YEATS4: variants seen among roughly 807,000 people sequenced by gnomAD.
YEATS4 encodes the protein YEATS domain-containing protein 4.
Under a neutral mutation model 30.1 loss-of-function variants are expected in YEATS4, and 17 were observed. The observed-to-expected ratio is 0.56, with a 90% CI of 0.39 to 0.85. YEATS4 has a LOEUF of 0.85. YEATS4 is among the 40% of genes least tolerant of loss of function. YEATS4 has a pLI of 0.00. For missense variants in YEATS4, 142 were observed against 268.3 expected (o/e 0.53, Z 3.29); for synonymous variants, 85 against 87.5 (o/e 0.97, Z 0.16).
chr12:69,385,285 C>G (rs1876229058), intron 6 of YEATS4, among the ~76,000 whole-genome samples: 1 of 115,758 alleles, frequency 8.6e-6, no homozygotes, highest in African/African-American at 3.1e-5. Flanking sequence ...AATAGTTGTA[C>G]CGATTAAGAG....
chr12:69,419,243 C>T, the YEATS4 span, among the ~76,000 whole-genome samples: 3 of 123,826 alleles, frequency 2.4e-5, no homozygotes, highest in Admixed American at 8.8e-5. Flanking sequence ...TTTTTAGAGA[C>T]ATGGTCTCAC....
chr12:69,422,551 AGCCCCGGACGT>A, the YEATS4 span: 1 of 147,274 alleles, frequency 6.8e-6, no homozygotes, highest in Admixed American at 7.0e-5. Context: ...GGATCACTAC[AGCCCCGGACGT>A]CAAGGCTGCA....
chr12:69,365,862 T>A lies in YEATS4; in HGVS notation c.311T>A (p.Phe104Tyr). 1 of 1,607,832 alleles carries A rather than the reference T, an allele frequency of 6.2e-7. No homozygotes were observed. Residue 104 changes from phenylalanine to tyrosine, a missense_variant, in exon 4 of 7, where the codon TTC becomes TAC. Transcript: ENST00000247843. ...TTCGAAATAATCATCAAAATATTTT[T>A]CATTGACCCTAATGAAAGACCTGTG... ...GEFEIIIKIF[F>Y]IDPNERPVTL...
intron 6 of YEATS4, among the ~76,000 whole-genome samples, chr12:69,385,513 T>A (rs548866419): frequency 3.3e-5 from 5 of 152,320 alleles, no homozygotes; most frequent in South Asian, 4.1e-4. Context: ...CACTTAATTC[T>A]ATAACAGCTT....
the YEATS4 span, chr12:69,401,227 C>G: frequency 6.6e-6 from 1 of 151,808 alleles, no homozygotes; most frequent in Non-Finnish European, 1.5e-5. Flanking sequence ...TGAAAATTTA[C>G]CATTTGATCA....
At chr12:69,389,514 C>T (rs546639873) in intron 6 of YEATS4, among the ~76,000 whole-genome samples, 1 of 146,858 alleles carries the variant, frequency 6.8e-6, no homozygotes, top group Admixed American at 6.7e-5. Context: ...TAACGCTTCC[C>T]CCCCACCCCC....
intron 6 of YEATS4, among the ~76,000 whole-genome samples, chr12:69,382,842 G>A (rs1027761077): frequency 7.2e-5 from 11 of 152,202 alleles, no homozygotes; most frequent in Admixed American, 1.3e-4. Context: ...TTTGAATAAT[G>A]AGGTATTGGA....
Position 69,359,791 on chromosome 12 carries a change from A to G in YEATS4, c.-182A>G. ...TGCGCGGGCCTGAATGGCCTTCAGGAGCACAGTCGGCCTGAGGAGTTGACG... is the reference window on the plus strand; with the variant it reads ...TGCGCGGGCCTGAATGGCCTTCAGGGGCACAGTCGGCCTGAGGAGTTGACG... On this transcript the variant is annotated 5_prime_UTR_variant, in exon 1 of 7. Coordinates refer to ENST00000247843, the MANE Select transcript of YEATS4 (RefSeq NM_006530.4). The G allele has an allele frequency of 1.5e-6, 1 of 663,664 alleles. No homozygotes were observed. The highest frequency in any genetic ancestry group is 2.0e-5 in the South Asian group (1 of 49,082). 41.1% of individuals were successfully genotyped at this position (663,664 alleles called of 1,614,324 possible).
Position 69,359,910 on chromosome 12 carries a change from A to C in YEATS4, c.-63A>C. 1.3e-6 allele frequency: 2 copies of C among 1,599,968 alleles called. No homozygotes were observed. Among genetic ancestry groups the C allele is most frequent in the Admixed American group, 1.7e-5 (1 of 59,378 alleles). On this transcript the variant is annotated 5_prime_UTR_variant, in exon 1 of 7. Coordinates refer to ENST00000247843, the MANE Select transcript of YEATS4 (RefSeq NM_006530.4). ...CGACAGGAGCGCGGTCTCTGAGGGG[A>C]GCGGCGACCCCGCCAGCCCCGGTCT...
chr12:69,364,202 C>T, intron 2 of YEATS4: 2 of 448,792 alleles, frequency 4.5e-6, no homozygotes, highest in Non-Finnish European at 8.9e-6. Flanking sequence ...CCTGTAATCT[C>T]AGCACTATGG....
chr12:69,395,617 T>C (rs1868345665), downstream of YEATS4, among the ~76,000 whole-genome samples: 1 of 152,164 alleles, frequency 6.6e-6, no homozygotes, highest in Non-Finnish European at 1.5e-5. Context: ...AAAATAAGAA[T>C]GTATTTCATT....
chr12:69,421,207 G>A, the YEATS4 span, among the ~76,000 whole-genome samples: 1 of 152,010 alleles, frequency 6.6e-6, no homozygotes, highest in South Asian at 2.1e-4. Context: ...GGATATTTGG[G>A]TTGTTTCCAC....
At chr12:69,404,959 G>A in the YEATS4 span, among the ~76,000 whole-genome samples, 2 of 152,212 alleles carry the variant, frequency 1.3e-5, no homozygotes, top group Admixed American at 6.5e-5. Flanking sequence ...ATGGAGAAGA[G>A]CAGAAAGCTG....
the YEATS4 span, among the ~76,000 whole-genome samples, chr12:69,397,393 T>C: frequency 6.6e-6 from 1 of 152,130 alleles, no homozygotes; most frequent in African/African-American, 2.4e-5. Flanking sequence ...TCATTTTGAA[T>C]TGTAGCTCCC....
downstream of YEATS4, among the ~76,000 whole-genome samples, chr12:69,394,223 T>C (rs558010567): frequency 6.6e-6 from 1 of 152,244 alleles, no homozygotes; most frequent in South Asian, 2.1e-4. Context: ...ATTTGAGAAA[T>C]GGCATAATGG....
At chr12:69,404,365 G>A in the YEATS4 span, among the ~76,000 whole-genome samples, 1 of 152,208 alleles carries the variant, frequency 6.6e-6, no homozygotes, top group Non-Finnish European at 1.5e-5. Flanking sequence ...TTGCCATTGT[G>A]ACAGTGTTGG....
At chr12:69,384,210 A>T (rs1216820296) in intron 6 of YEATS4, among the ~76,000 whole-genome samples, 1 of 152,122 alleles carries the variant, frequency 6.6e-6, no homozygotes. Context: ...ATTATTGATC[A>T]CTCTCTTCTT....
chr12:69,360,790 C>T (rs949171768), intron 1 of YEATS4, among the ~76,000 whole-genome samples: 3 of 150,856 alleles, frequency 2.0e-5, no homozygotes, highest in Admixed American at 6.6e-5. Flanking sequence ...TGAGCCACCG[C>T]GCCCAGCCGT....
intron 1 of YEATS4, 86 bp downstream of exon 1, chr12:69,360,109 C>T (rs1259231424): frequency 1.4e-6 from 2 of 1,427,724 alleles, no homozygotes; most frequent in East Asian, 5.0e-5. Context: ...CACTGGGTTT[C>T]CTTTCGCGCC....
Sources: gnomAD v4.1 joint callset for allele counts (sites outside exome capture counted in the v4.1 genomes callset) on GRCh38, gnomAD v4.1.1 for gene constraint, MANE v1.5 for transcripts, NCBI Gene and HGNC (gene_info 2026-07-23, HGNC 2026-07-21) for gene names.